Variants in PTGER3 observed in about 807,000 individuals in gnomAD.
The protein encoded by PTGER3 is prostaglandin E receptor 3, also known as prostaglandin E2 receptor EP3 subtype.
Under a neutral mutation model 34.7 loss-of-function variants are expected in PTGER3, and 22 were observed. The ratio of observed to expected loss-of-function variants is 0.63; its 90% confidence interval spans 0.45 to 0.91. The LOEUF is 0.91. Ranked by LOEUF, PTGER3 falls within the 40% of genes least tolerant of loss-of-function variation. The pLI is 0.00. For synonymous variants in PTGER3, 241 were observed against 230.1 expected (o/e 1.05, Z -0.43); for missense variants, 468 against 519.4 (o/e 0.90, Z 0.96).
At chr1:70,916,764 A>G (rs905087013) in intron 4 of PTGER3, among the ~76,000 whole-genome samples, 12 of 151,938 alleles carry the variant, frequency 7.9e-5, no homozygotes, top group African/African-American at 1.9e-4. Context: ...AAAACTACCT[A>G]TTGGGCACTA....
rs534188413 is a variant in PTGER3 at position 70,978,448 on chromosome 1, CA to C, written c.1078-4061del. 1.8e-3 allele frequency among the ~76,000 whole-genome samples: 281 copies of C among 151,952 alleles called. 5 individuals are homozygous for C. Among genetic ancestry groups the C allele is most frequent in the African/African-American group, 6.3e-3 (262 of 41,454 alleles). ...TAATTGGTCAAATTAATAAGCAAAA[CA>C]AAAAATTAATAAGGTAATAGGAGCA... On this transcript the variant is annotated intron_variant, in intron 2 of 3. Coordinates refer to ENST00000306666, the MANE Select transcript of PTGER3 (RefSeq NM_198719.2).
chr1:70,952,466 A>G, exon 4 of PTGER3: 1 of 985,972 alleles, frequency 1.0e-6, no homozygotes, highest in Non-Finnish European at 1.2e-6. Context: ...AATAACCTGA[A>G]CAAATAACAG....
intron 4 of PTGER3, among the ~76,000 whole-genome samples, chr1:70,864,211 T>A (rs892641481): frequency 2.6e-5 from 4 of 152,126 alleles, no homozygotes; most frequent in Non-Finnish European, 5.9e-5. Context: ...TTAGTCAAAT[T>A]TTTTATCTAA....
In PTGER3 at chr1:71,047,319, A is replaced by G; in HGVS notation, c.259T>C (p.Ser87Pro). Residue 87 changes from serine (S) to proline (P), a missense_variant, in exon 1 of 4, where the codon TCC becomes CCC. Ser to Pro is a moderately conservative substitution (Grantham distance 74, BLOSUM62 -1). This residue lies in a region of PTGER3 where 151 missense variants were observed against 133.5 expected (regional missense o/e 1.13). Coordinates refer to ENST00000306666, the MANE Select transcript of PTGER3 (RefSeq NM_198719.2). ...AGCCAGCCGATGCACAGCAGGAAGG[A>G]CTTCTTGCGCTTGCTCTCCCGGCGC... ...YRRRESKRKK[S>P]FLLCIGWLAL... 2 of 1,606,234 alleles carry G rather than the reference A, an allele frequency of 1.2e-6. No homozygotes were observed. The highest frequency in any genetic ancestry group is 1.7e-6 in the Non-Finnish European group (2 of 1,177,106).
downstream of PTGER3, among the ~76,000 whole-genome samples, chr1:70,967,428 C>G (rs1270187977): frequency 6.6e-6 from 1 of 151,978 alleles, no homozygotes; most frequent in Non-Finnish European, 1.5e-5. Flanking sequence ...AATAAAAATA[C>G]AGAAGTTTTT....
downstream of PTGER3, among the ~76,000 whole-genome samples, chr1:70,969,795 AG>A (rs1349025620): frequency 6.6e-6 from 1 of 152,182 alleles, no homozygotes; most frequent in Non-Finnish European, 1.5e-5. Context: ...GCCGGTTTAT[AG>A]TTGAAATTGA....
At chr1:70,939,178 A>T (rs889626980) in intron 4 of PTGER3, among the ~76,000 whole-genome samples, 1 of 152,206 alleles carries the variant, frequency 6.6e-6, no homozygotes, top group Non-Finnish European at 1.5e-5. Context: ...CCAGTGGGGC[A>T]GTCACATTTA....
intron 1 of PTGER3, among the ~76,000 whole-genome samples, chr1:71,032,207 G>C (rs895568840): frequency 6.6e-6 from 1 of 152,204 alleles, no homozygotes; most frequent in Non-Finnish European, 1.5e-5. Context: ...TGGAGTATTC[G>C]TGAGATTTTC....
chr1:70,856,482 G>A lies in PTGER3; in HGVS notation c.*24-3623C>T, dbSNP rs186692609. ...AAAGCAGACATTGATAGTAACATCA[G>A]CATCAAAACAGAGTTGCATTTCCCC... On this transcript the variant is annotated intron_variant, in intron 4 of 4. Coordinates refer to the PTGER3 transcript ENST00000370931. 1.6e-4 allele frequency among the ~76,000 whole-genome samples: 24 copies of A among 146,188 alleles called. No homozygotes were observed. In the East Asian group the frequency reaches 4.3e-3, roughly 26 times the overall value.
rs1573029899 is a variant in PTGER3 at position 71,047,092 on chromosome 1, C to T, written c.486G>A (p.Pro162=). 6 of 1,608,604 alleles carry T rather than the reference C, an allele frequency of 3.7e-6. No individual in the cohort carries two copies. The highest frequency in any genetic ancestry group is 5.1e-6 in the Non-Finnish European group (6 of 1,177,996). Residue 162 remains proline (P), a synonymous_variant, in exon 1 of 4, where the codon CCG becomes CCA. Coordinates refer to ENST00000306666, the MANE Select transcript of PTGER3 (RefSeq NM_198719.2). ...AVERALAIRA[P]HWYASHMKTR... is the part of the protein sequence containing the mutation. ...TCTTCATGTGGCTCGCATACCAGTG[C>T]GGCGCCCTGATGGCCAGCGCCCGCT... is the stretch of plus-strand genomic sequence containing the variant.
At chr1:70,877,516 A>G (rs1370923834) in intron 4 of PTGER3, among the ~76,000 whole-genome samples, 1 of 152,152 alleles carries the variant, frequency 6.6e-6, no homozygotes, top group African/African-American at 2.4e-5. Flanking sequence ...GAGAGTAGAT[A>G]TCTTTGTCTT....
At chr1:70,940,497 G>C (rs1649654897) in intron 4 of PTGER3, among the ~76,000 whole-genome samples, 1 of 152,132 alleles carries the variant, frequency 6.6e-6, no homozygotes, top group Admixed American at 6.5e-5. Flanking sequence ...ACATACCCGA[G>C]ACTGGGAAGA....
Position 71,012,425 on chromosome 1 carries a change from C to T in PTGER3, c.957G>A (p.Thr319=), listed in dbSNP as rs554480056. ...QTSVEHCKTH[T]EKQKECNFFL... is the part of the protein sequence containing the mutation. ...AGAAGTTGCATTCTTTCTGCTTCTC[C>T]GTGTGTGTCTTGCAGTGCTCAACTG... The change falls in exon 2 of 4, where the codon ACG becomes ACA. Residue 319 remains threonine (T), a synonymous_variant. Coordinates refer to ENST00000306666, the MANE Select transcript of PTGER3 (RefSeq NM_198719.2). The T allele has an allele frequency of 1.5e-5, 25 of 1,614,086 alleles. No homozygotes were observed. The highest frequency in any genetic ancestry group is 4.5e-5 in the East Asian group (2 of 44,868).
chr1:70,922,279 G>A (rs1023336229), intron 4 of PTGER3, among the ~76,000 whole-genome samples: 27 of 152,120 alleles, frequency 1.8e-4, no homozygotes, highest in African/African-American at 6.5e-4. Flanking sequence ...TTGTCCTAAA[G>A]CAAAATGACT....
At chr1:71,034,091 G>C (rs1659624456) in intron 1 of PTGER3, among the ~76,000 whole-genome samples, 2 of 152,058 alleles carry the variant, frequency 1.3e-5, no homozygotes. Context: ...CCAGCATTTT[G>C]ATAGGATTTC....
At chr1:71,025,052 TC>T (rs1176983890) in intron 1 of PTGER3, among the ~76,000 whole-genome samples, 5 of 74,880 alleles carry the variant, frequency 6.7e-5, no homozygotes, top group African/African-American at 1.6e-4. Context: ...ATGCTATCCC[TC>T]CCCCCTCCCC....
intron 1 of PTGER3, among the ~76,000 whole-genome samples, chr1:71,044,220 T>A (rs1404287252): frequency 1.3e-5 from 2 of 151,286 alleles, no homozygotes; most frequent in East Asian, 4.0e-4. Context: ...GCGGATCACC[T>A]CAGGTCAGGA....
intron 4 of PTGER3, among the ~76,000 whole-genome samples, chr1:70,866,123 T>C (rs1646037173): frequency 6.6e-6 from 1 of 152,204 alleles, no homozygotes. Context: ...CCCGTCTTAA[T>C]GCTTCGCTGT....
At chr1:70,987,310 C>T (rs1188045952) in intron 2 of PTGER3, among the ~76,000 whole-genome samples, 6 of 152,166 alleles carry the variant, frequency 3.9e-5, no homozygotes, top group South Asian at 2.1e-4. Context: ...TCTGACAAAA[C>T]GTATAAGTTA....
Sources: allele counts gnomAD v4.1 joint callset (sites outside exome capture counted in the v4.1 genomes callset), GRCh38; gene constraint gnomAD v4.1.1; regional missense constraint gnomAD v4.1.1; transcripts MANE v1.5; gene names NCBI Gene and HGNC (gene_info 2026-07-23, HGNC 2026-07-21).